USP7: variants seen among roughly 807,000 people sequenced by gnomAD.
The protein encoded by USP7 is ubiquitin specific peptidase 7.
In USP7, 9 loss-of-function variants were observed where a neutral mutation model predicts 162.9. The observed-to-expected ratio is 0.06, with a 90% confidence interval of 0.03 to 0.10. USP7 has a LOEUF of 0.10. Among genes scored for constraint, USP7 ranks in the 10% least tolerant of loss-of-function variants. The pLI, the probability that USP7 is intolerant of heterozygous loss-of-function variation, is 1.00. For synonymous variants in USP7, 562 were observed against 475.9 expected, an observed-to-expected ratio of 1.18 and a Z score of -2.35; for missense variants, 715 against 1,373.7, an observed-to-expected ratio of 0.52 and a Z score of 7.58.
At chr16:8,951,286 A>G (rs1195933084) in intron 1 of USP7, among the ~76,000 whole-genome samples, 2 of 152,300 alleles carry the variant, frequency 1.3e-5, no homozygotes, top group Admixed American at 6.5e-5. Context: ...TAAGTCACCT[A>G]ATTTCCTTCA....
At chr16:8,931,941 G>A (rs750311423) in intron 1 of USP7, among the ~76,000 whole-genome samples, 7 of 152,166 alleles carry the variant, frequency 4.6e-5, no homozygotes, top group Non-Finnish European at 1.0e-4. Context: ...ACTGCATACA[G>A]GAGATGTGCT....
At chr16:8,955,856 C>A (rs1267651598) in intron 1 of USP7, among the ~76,000 whole-genome samples, 1 of 152,020 alleles carries the variant, frequency 6.6e-6, no homozygotes, top group Non-Finnish European at 1.5e-5. Flanking sequence ...GAAAGGTTTG[C>A]TCAGCCTACA....
At chr16:8,898,328 A>G (rs767486654) in intron 25 of USP7, 32 bp downstream of exon 25, 1 of 1,519,566 alleles carries the variant, frequency 6.6e-7, no homozygotes, top group South Asian at 1.2e-5. Flanking sequence ...GTTCCAATAA[A>G]AATTAAAATT....
chr16:8,945,360 G>C (rs983025777), intron 1 of USP7, among the ~76,000 whole-genome samples: 1 of 152,146 alleles, frequency 6.6e-6, no homozygotes. Flanking sequence ...CTCCAGCTTG[G>C]GCAACACAGC....
chr16:8,927,869 G>A (rs1331340057), intron 2 of USP7, among the ~76,000 whole-genome samples: 1 of 152,144 alleles, frequency 6.6e-6, no homozygotes, highest in East Asian at 1.9e-4. Context: ...CTTGGGCCAA[G>A]TGCAATGGGT....
At chr16:8,962,473 T>C in intron 1 of USP7, 1 of 449,746 alleles carries the variant, frequency 2.2e-6, no homozygotes. Flanking sequence ...AAAACCGAGT[T>C]ACCTTTCGAG....
intron 23 of USP7, 58 bp from the exon 24 acceptor site, chr16:8,898,697 T>G: frequency 7.2e-7 from 1 of 1,391,908 alleles, no homozygotes; most frequent in Non-Finnish European, 9.8e-7. Context: ...AAAACAAATA[T>G]CTGTGAGTGA....
intron 10 of USP7, among the ~76,000 whole-genome samples, chr16:8,913,468 A>G (rs2033197206): frequency 6.6e-6 from 1 of 152,054 alleles, no homozygotes; most frequent in Non-Finnish European, 1.5e-5. Context: ...TAAGGACACT[A>G]CAGCCCACTT....
At chr16:8,930,425 G>A (rs16964691) in intron 1 of USP7, 28 bp from the exon 2 acceptor site, 5 of 1,546,118 alleles carry the variant, frequency 3.2e-6, no homozygotes, top group Admixed American at 1.8e-5. Context: ...AAATTCCACG[G>A]GTTTTACATT....
In USP7 at chr16:8,894,608, G is replaced by T; in HGVS notation, c.3144C>A (p.His1048Gln). The T allele has an allele frequency of 6.2e-7, 1 of 1,613,800 alleles. No individual in the cohort carries two copies. The highest frequency in any genetic ancestry group is 8.5e-7 in the Non-Finnish European group (1 of 1,180,010). Reference protein sequence around the residue: ...FKFAIVMMGRHQYINEDEYEV... With the variant: ...FKFAIVMMGRQQYINEDEYEV... ...CATACTCGTCTTCATTTATGTACTG[G>T]TGTCGGCCCATCATTACAATTGCAA... Residue 1048 changes from histidine to glutamine, a missense_variant, in exon 30 of 31, where the codon CAC becomes CAA. Physicochemically the swap from His to Gln is conservative, Grantham distance 24. This residue lies in a region of USP7 where 222 missense variants were observed against 441.7 expected (regional missense o/e 0.50). Transcript: ENST00000344836.
Position 8,897,001 on chromosome 16 carries a change from A to G in USP7, c.2817T>C (p.Leu939=). 3 of 1,613,214 alleles carry G rather than the reference A, an allele frequency of 1.9e-6. No homozygotes were observed. The highest frequency in any genetic ancestry group is 2.5e-6 in the Non-Finnish European group (3 of 1,179,140). The change falls in exon 26 of 31, where the codon CTT becomes CTC. Residue 939 remains leucine, a splice_region_variant and synonymous_variant. Coordinates refer to ENST00000344836, the MANE Select transcript of USP7 (RefSeq NM_003470.3). ...AATTGGGCTCAAGAAATACTTGCCT[A>G]AGTTTCCCTGATGCTTTCTCCCCAA... is the stretch of plus-strand genomic sequence containing the variant. ...VELGEKASGK[L]RLLEIVSYKI...
At position 8,939,285 on chromosome 16, in the gene USP7, C is replaced by T. The variant is rs556312725; in HGVS notation, c.80-8888G>A. 2.0e-5 allele frequency among the ~76,000 whole-genome samples: 3 copies of T among 152,270 alleles called. 1 individual carries two copies. Among genetic ancestry groups the T allele is most frequent in the African/African-American group, 7.2e-5 (3 of 41,556 alleles). On this transcript the variant is annotated intron_variant, in intron 1 of 30. Transcript: ENST00000344836. ...CCGGCGTGCGTGCTCCCCCATTATC[C>T]CCGGCAACCCTCATATGTTCTGCAT...
chr16:8,931,679 T>C (rs1161506323), intron 1 of USP7, among the ~76,000 whole-genome samples: 3 of 152,198 alleles, frequency 2.0e-5, no homozygotes, highest in African/African-American at 7.2e-5. Context: ...AAGGTGTAAA[T>C]TACAACAACA....
chr16:8,906,346 T>C (rs866647382), intron 13 of USP7, 80 bp downstream of exon 13: 1 of 1,508,498 alleles, frequency 6.6e-7, no homozygotes, highest in South Asian at 1.4e-5. Context: ...AGGTTCCGAG[T>C]AGGAACCAGA....
intron 10 of USP7, among the ~76,000 whole-genome samples, chr16:8,911,655 G>C (rs1198623679): frequency 5.3e-5 from 8 of 152,238 alleles, no homozygotes; most frequent in African/African-American, 1.9e-4. Flanking sequence ...GCCCGGAGAA[G>C]GCAAACCCAG....
rs1457574743 is a variant in USP7, at chr16:8,893,634, CG to C, written c.*363del. ...ACTTGCTAGCTGCAGGGCTGGTGCA[CG>C]GGACCCCAGGAAGGCAGCCGAGCCA... On this transcript the variant is annotated 3_prime_UTR_variant, in exon 31 of 31. Coordinates refer to ENST00000344836, the MANE Select transcript of USP7 (RefSeq NM_003470.3). 11 of 232,696 alleles carry C rather than the reference CG, an allele frequency of 4.7e-5. No individual in the cohort carries two copies. Among genetic ancestry groups the C allele is most frequent in the South Asian group, 3.2e-4 (5 of 15,636 alleles). The allele number at this position is 232,696 out of a possible 1,614,324, so 14.4% of individuals were successfully genotyped here. A position where few individuals can be genotyped will look rare whatever the true frequency, so the allele number is the denominator to read the frequency against.
chr16:8,949,485 T>C (rs537384162), intron 1 of USP7: 9 of 152,370 alleles, frequency 5.9e-5, no homozygotes, highest in Admixed American at 5.2e-4. Flanking sequence ...TCCAATACAA[T>C]GGACATACCC....
chr16:8,957,763 TA>T (rs112816608), intron 1 of USP7, among the ~76,000 whole-genome samples: 47,977 of 146,578 alleles, frequency 0.33, 8,817 homozygotes, highest in African/African-American at 0.52. Flanking sequence ...TCTCTTAAAT[TA>T]AAAAAAAAAC....
chr16:8,919,994 C>CA (rs1897598157), intron 5 of USP7, among the ~76,000 whole-genome samples: 1 of 152,204 alleles, frequency 6.6e-6, no homozygotes, highest in Non-Finnish European at 1.5e-5. Context: ...CCCCCTTCCT[C>CA]ACACTCGGAG....
Sources: allele counts gnomAD v4.1 joint callset (sites outside exome capture counted in the v4.1 genomes callset), GRCh38; gene constraint gnomAD v4.1.1; regional missense constraint gnomAD v4.1.1; transcripts MANE v1.5; gene names NCBI Gene and HGNC (gene_info 2026-07-23, HGNC 2026-07-21).